ATP10A: variants seen among roughly 807,000 people sequenced by gnomAD.
The protein encoded by ATP10A is phospholipid-transporting ATPase VA.
ATP10A carries 111 observed loss-of-function variants against 147.8 expected under a neutral mutation model. The ratio of observed to expected loss-of-function variants is 0.75; its 90% CI spans 0.64 to 0.88. The LOEUF is 0.88. Among genes scored for constraint, ATP10A ranks in the 40% least tolerant of loss-of-function variants. ATP10A has a pLI of 0.00. For missense variants in ATP10A, 1,927 were observed against 1,959.0 expected (o/e 0.98, Z 0.31); for synonymous variants, 875 against 841.6 (o/e 1.04, Z -0.69).
intron 10 of ATP10A, 34 bp downstream of exon 10, chr15:25,713,640 G>A (rs758971424): frequency 3.8e-6 from 6 of 1,598,528 alleles, no homozygotes; most frequent in Admixed American, 3.5e-5. Context: ...CTCCTCCCCC[G>A]AGCTGGGGTG....
intron 1 of ATP10A, among the ~76,000 whole-genome samples, chr15:25,790,653 C>G (rs115908484): frequency 6.6e-6 from 1 of 152,186 alleles, no homozygotes; most frequent in East Asian, 1.9e-4. Flanking sequence ...CACTAGTTTG[C>G]GAAAGCAAAA....
chr15:25,795,025 G>C (rs1567389839), intron 1 of ATP10A, among the ~76,000 whole-genome samples: 1 of 152,176 alleles, frequency 6.6e-6, no homozygotes, highest in Non-Finnish European at 1.5e-5. Context: ...AGAGTATTTG[G>C]GAGATAGGAA....
At chr15:25,731,679 T>C (rs149558063) in intron 3 of ATP10A, among the ~76,000 whole-genome samples, 1 of 152,266 alleles carries the variant, frequency 6.6e-6, no homozygotes, top group Non-Finnish European at 1.5e-5. Flanking sequence ...TGGGGAACGA[T>C]GTTACTTCCA....
chr15:25,694,042 G>A (rs1380985099), intron 14 of ATP10A, among the ~76,000 whole-genome samples: 1 of 151,930 alleles, frequency 6.6e-6, no homozygotes, highest in East Asian at 1.9e-4. Context: ...GCATGTGGGG[G>A]TCACGGCCAC....
chr15:25,804,277 TGTGA>T lies in ATP10A; in HGVS notation c.450-23058_450-23055del, dbSNP rs202209164. 3.9e-4 allele frequency among the ~76,000 whole-genome samples: 59 copies of T among 149,638 alleles called. No homozygotes were observed. In the East Asian group the frequency reaches 9.6e-3, roughly 24 times the overall value. ...TGCATGGTGTGTGTGTGGTTATGGA[TGTGA>T]GTGTGTGGTGTGTGAGTGTTCGTGT... On this transcript the variant is annotated intron_variant, in intron 1 of 20. Transcript: ENST00000555815.
chr15:25,786,924 C>T (rs1053104649), intron 1 of ATP10A, among the ~76,000 whole-genome samples: 7 of 151,774 alleles, frequency 4.6e-5, no homozygotes, highest in African/African-American at 1.7e-4. Context: ...TGTGAGCCAC[C>T]GTGCCTGGCC....
At chr15:25,828,833 G>A (rs1020941849) in intron 1 of ATP10A, among the ~76,000 whole-genome samples, 4 of 152,296 alleles carry the variant, frequency 2.6e-5, no homozygotes, top group Admixed American at 6.5e-5. Context: ...TACATGTGCT[G>A]TTGTAAAAAC....
intron 13 of ATP10A, among the ~76,000 whole-genome samples, chr15:25,697,135 T>A (rs928801711): frequency 6.6e-6 from 1 of 152,218 alleles, no homozygotes; most frequent in Non-Finnish European, 1.5e-5. Flanking sequence ...GTTAATGAAT[T>A]CCTGGGCTCA....
intron 2 of ATP10A, among the ~76,000 whole-genome samples, chr15:25,752,958 T>C (rs1423541286): frequency 6.6e-6 from 1 of 152,194 alleles, no homozygotes; most frequent in South Asian, 2.1e-4. Context: ...GCGATTTTTG[T>C]TGTAAACTAA....
chr15:25,843,157 T>C (rs1400700712), intron 1 of ATP10A, among the ~76,000 whole-genome samples: 1 of 152,144 alleles, frequency 6.6e-6, no homozygotes, highest in African/African-American at 2.4e-5. Context: ...AGTCACGCCA[T>C]GTGCCTCCTC....
At chr15:25,677,921 C>CT (rs1384930023), downstream of ATP10A, 1 of 152,398 alleles carries the variant, frequency 6.6e-6, no homozygotes, top group African/African-American at 2.4e-5. Context: ...AACCAGGACT[C>CT]TGTTTGGAAT....
chr15:25,859,598 T>TC (rs1158146859), intron 1 of ATP10A, among the ~76,000 whole-genome samples: 1 of 151,392 alleles, frequency 6.6e-6, no homozygotes, highest in African/African-American at 2.4e-5. Flanking sequence ...CACCCAGTGC[T>TC]CCCCCAACCT....
chr15:25,791,472 G>A (rs1386395755), intron 1 of ATP10A, among the ~76,000 whole-genome samples: 1 of 151,966 alleles, frequency 6.6e-6, no homozygotes, highest in African/African-American at 2.4e-5. Flanking sequence ...CTGCAGCCTC[G>A]ACCTCCTGGG....
Position 25,724,014 on chromosome 15 carries a change from T to C in ATP10A, c.987A>G (p.Gly329=). 3.8e-6 allele frequency: 6 copies of C among 1,587,472 alleles called. No individual in the cohort carries two copies. Among genetic ancestry groups the C allele is most frequent in the South Asian group, 1.2e-5 (1 of 85,210 alleles). Reference sequence around the variant, plus strand: ...TCTCTTGATACCGCCATATCCACAGTCCATGTCCTGTAGTAATGTTCAAAG... The same window carrying C: ...TCTCTTGATACCGCCATATCCACAGCCCATGTCCTGTAGTAATGTTCAAAG... The part of the protein sequence containing the change: ...CMSLFSAVGH[G]LWIWRYQEKK... Residue 329 remains glycine (G), a synonymous_variant, in exon 6 of 21, where the codon GGA becomes GGG. Coordinates refer to ENST00000555815, the MANE Select transcript of ATP10A (RefSeq NM_024490.4).
At chr15:25,829,542 T>C (rs1198697175) in intron 1 of ATP10A, among the ~76,000 whole-genome samples, 1 of 152,146 alleles carries the variant, frequency 6.6e-6, no homozygotes, top group Non-Finnish European at 1.5e-5. Flanking sequence ...AACATTCTAA[T>C]GCGGAGGAGG....
intron 2 of ATP10A, 86 bp from the exon 3 acceptor site, chr15:25,736,227 G>C: frequency 9.5e-7 from 1 of 1,050,804 alleles, no homozygotes; most frequent in South Asian, 1.3e-5. Context: ...TCTCGCATCC[G>C]CGGCAGGCAC....
intron 2 of ATP10A, among the ~76,000 whole-genome samples, chr15:25,772,760 C>G (rs1889404863): frequency 6.6e-6 from 1 of 152,218 alleles, no homozygotes; most frequent in Non-Finnish European, 1.5e-5. Flanking sequence ...CAATCCCCCA[C>G]TCTCCGGAAC....
chr15:25,790,668 G>A (rs1890373659), intron 1 of ATP10A, among the ~76,000 whole-genome samples: 1 of 152,222 alleles, frequency 6.6e-6, no homozygotes, highest in African/African-American at 2.4e-5. Context: ...GCAAAACGAT[G>A]CCTAAACACA....
intron 9 of ATP10A, among the ~76,000 whole-genome samples, chr15:25,714,900 G>A (rs1001716945): frequency 6.6e-6 from 1 of 151,786 alleles, no homozygotes. Context: ...CTGACAAATT[G>A]AGGATCCCAA....
Sources: gnomAD v4.1 joint callset for allele counts (sites outside exome capture counted in the v4.1 genomes callset) on GRCh38, gnomAD v4.1.1 for gene constraint, MANE v1.5 for transcripts, NCBI Gene and HGNC (gene_info 2026-07-23, HGNC 2026-07-21) for gene names.